Variants in MNAT1 observed in about 807,000 individuals in gnomAD.
The protein encoded by MNAT1 is CDK-activating kinase assembly factor MAT1.
A neutral mutation model predicts 42.0 loss-of-function variants in MNAT1; 43 were observed. That is an observed-to-expected ratio of 1.02 (90% CI 0.80 to 1.32). The LOEUF (loss-of-function observed/expected upper bound fraction) is 1.32, where lower values mean the gene tolerates loss of function less well. Among genes scored for constraint, MNAT1 ranks in the 40% most tolerant of loss-of-function variants. The pLI, the probability that MNAT1 is intolerant of heterozygous loss-of-function variation, is 0.00. For missense variants in MNAT1, 306 were observed against 350.4 expected, an observed-to-expected ratio of 0.87 and a Z score of 1.01; for synonymous variants, 118 against 120.0, an observed-to-expected ratio of 0.98 and a Z score of 0.11.
intron 1 of MNAT1, among the ~76,000 whole-genome samples, chr14:60,768,278 A>T (rs1403973815): frequency 2.0e-5 from 3 of 152,212 alleles, no homozygotes; most frequent in Non-Finnish European, 4.4e-5. Context: ...TTACTCATTT[A>T]TTAAGAGCTC....
chr14:60,940,719 C>G (rs1250615015), intron 7 of MNAT1, among the ~76,000 whole-genome samples: 1 of 151,978 alleles, frequency 6.6e-6, no homozygotes, highest in Non-Finnish European at 1.5e-5. Context: ...ACCTGGCCGT[C>G]TGTCTCAAAG....
chr14:60,944,143 A>T (rs941359428), intron 7 of MNAT1, among the ~76,000 whole-genome samples: 2 of 152,232 alleles, frequency 1.3e-5, no homozygotes, highest in African/African-American at 2.4e-5. Flanking sequence ...ATTAACTAGT[A>T]GAGGAGGTAG....
intron 6 of MNAT1, among the ~76,000 whole-genome samples, chr14:60,855,354 G>A (rs968192183): frequency 8.6e-5 from 13 of 151,948 alleles, no homozygotes; most frequent in Admixed American, 2.0e-4. Context: ...AGGTGCCACT[G>A]GGTTATAAAA....
intron 7 of MNAT1, among the ~76,000 whole-genome samples, chr14:60,889,011 T>C (rs1232314823): frequency 2.1e-5 from 3 of 139,836 alleles, no homozygotes; most frequent in African/African-American, 7.9e-5. Flanking sequence ...ATTGTGAAAA[T>C]GGCCATACTG....
intron 7 of MNAT1, among the ~76,000 whole-genome samples, chr14:60,920,946 G>A (rs1264238108): frequency 6.6e-6 from 1 of 152,128 alleles, no homozygotes; most frequent in Non-Finnish European, 1.5e-5. Flanking sequence ...TGGCTTTTGG[G>A]TTAAAGTACT....
rs553261814 is a variant in MNAT1 at position 60,943,476 on chromosome 14, A to T, written c.810-24753A>T. On this transcript the variant is annotated intron_variant, in intron 7 of 7. Transcript: ENST00000261245. The stretch of plus-strand genomic sequence containing the variant: ...TCATTTGCCCCAGGCCATATGGCTT[A>T]TAAACAGCAGAATTAGGGTCATCTT... Among the ~76,000 whole-genome samples, 71 of 152,334 alleles carry T rather than the reference A, an allele frequency of 4.7e-4. 1 individual carries two copies. In the Middle Eastern group the frequency reaches 0.02, roughly 44 times the overall value.
chr14:60,806,600 C>T (rs1046492697), intron 3 of MNAT1, among the ~76,000 whole-genome samples: 4 of 152,124 alleles, frequency 2.6e-5, no homozygotes, highest in Non-Finnish European at 4.4e-5. Context: ...GAGGCCAACG[C>T]GGGTGGATCA....
intron 7 of MNAT1, among the ~76,000 whole-genome samples, chr14:60,887,847 G>T (rs2139479307): frequency 6.6e-6 from 1 of 152,030 alleles, no homozygotes; most frequent in Non-Finnish European, 1.5e-5. Flanking sequence ...AGAAAATCTA[G>T]AAGAAATGGA....
At chr14:60,956,353 G>A (rs1310072331) in intron 7 of MNAT1, among the ~76,000 whole-genome samples, 3 of 152,012 alleles carry the variant, frequency 2.0e-5, no homozygotes, top group Admixed American at 6.6e-5. Flanking sequence ...ATATCATTGT[G>A]GTTATAAAAA....
intron 7 of MNAT1, among the ~76,000 whole-genome samples, chr14:60,951,635 C>A (rs1294559872): frequency 1.3e-5 from 2 of 151,936 alleles, no homozygotes; most frequent in African/African-American, 4.8e-5. Flanking sequence ...CTATTCCTTT[C>A]GTGGTTTCTT....
chr14:60,809,031 A>G (rs2032462729), intron 4 of MNAT1: 1 of 152,138 alleles, frequency 6.6e-6, no homozygotes, highest in Non-Finnish European at 1.5e-5. Flanking sequence ...TGTTTTGAAA[A>G]TATCTCAGGA....
intron 7 of MNAT1, among the ~76,000 whole-genome samples, chr14:60,944,539 T>C (rs948216624): frequency 6.6e-6 from 1 of 152,190 alleles, no homozygotes; most frequent in African/African-American, 2.4e-5. Flanking sequence ...ACTGAGTGTG[T>C]GGTATTTTGT....
intron 7 of MNAT1, among the ~76,000 whole-genome samples, chr14:60,884,545 T>TAAAC (rs537752090): frequency 4.6e-5 from 7 of 152,090 alleles, no homozygotes; most frequent in African/African-American, 7.2e-5. Context: ...GTTGATAGCA[T>TAAAC]AAACAAACAA....
At chr14:60,745,417 C>T (rs888277010) in intron 1 of MNAT1, among the ~76,000 whole-genome samples, 5 of 152,090 alleles carry the variant, frequency 3.3e-5, no homozygotes, top group African/African-American at 7.2e-5. Context: ...ATATGTACCT[C>T]TTGCTTTTCT....
At chr14:60,830,455 CT>C (rs1273541676) in intron 6 of MNAT1, among the ~76,000 whole-genome samples, 1 of 151,966 alleles carries the variant, frequency 6.6e-6, no homozygotes, top group Non-Finnish European at 1.5e-5. Flanking sequence ...AATAAATTTT[CT>C]TTTTTTGGTG....
At chr14:60,931,772 G>GTA (rs1042001964) in intron 7 of MNAT1, among the ~76,000 whole-genome samples, 2 of 151,910 alleles carry the variant, frequency 1.3e-5, no homozygotes, top group African/African-American at 4.8e-5. Flanking sequence ...TGGTGTGTGT[G>GTA]TATATATCTA....
chr14:60,940,133 C>T (rs1478522191), intron 7 of MNAT1, among the ~76,000 whole-genome samples: 5 of 152,064 alleles, frequency 3.3e-5, no homozygotes, highest in Non-Finnish European at 5.9e-5. Context: ...TGTCTCTGCA[C>T]GTGAGATGGG....
At chr14:60,904,370 TG>T (rs1353495999) in intron 7 of MNAT1, among the ~76,000 whole-genome samples, 4 of 152,224 alleles carry the variant, frequency 2.6e-5, no homozygotes, top group South Asian at 2.1e-4. Flanking sequence ...CTTTAGTATT[TG>T]TTTTTTTGTT....
chr14:60,806,473 A>C (rs570984100), intron 3 of MNAT1, among the ~76,000 whole-genome samples: 13 of 152,226 alleles, frequency 8.5e-5, no homozygotes, highest in African/African-American at 1.2e-4. Flanking sequence ...TCAGGCATTG[A>C]GAGAAATGAC....
Sources: gnomAD v4.1 joint callset for allele counts (sites outside exome capture counted in the v4.1 genomes callset) on GRCh38, gnomAD v4.1.1 for gene constraint, MANE v1.5 for transcripts, NCBI Gene and HGNC (gene_info 2026-07-23, HGNC 2026-07-21) for gene names.